MBP: variants seen among roughly 807,000 people sequenced by gnomAD.
MBP encodes Golli-MBP.
In MBP, 16 loss-of-function variants were observed where a neutral mutation model predicts 35.8. The ratio of observed to expected loss-of-function variants is 0.45; its 90% confidence interval spans 0.30 to 0.68. The LOEUF is 0.68. Among genes scored for constraint, MBP ranks in the 30% least tolerant of loss-of-function variants. The probability of loss-of-function intolerance (pLI) is 0.08; values close to 1 mark genes in which losing one functional copy is unlikely to be tolerated. For synonymous variants in MBP, 143 were observed against 159.6 expected (o/e 0.90, Z 0.78); for missense variants, 380 against 404.7 (o/e 0.94, Z 0.52).
At position 77,080,161 on chromosome 18, in the gene MBP, A is replaced by T. The variant is rs1027473116; in HGVS notation, c.52-13776T>A. Among the ~76,000 whole-genome samples the T allele has an allele frequency of 3.9e-5, 6 of 152,398 alleles. No homozygotes were observed. The East Asian group carries it at 7.7e-4, about 20-fold the overall frequency. On this transcript the variant is annotated intron_variant, in intron 2 of 8. Transcript: ENST00000355994. ...CAGCATTTTTTGTTTCTTTAAAAAA[A>T]AATCATAGTTTTATTCTTGCTCTAG...
intron 4 of MBP, among the ~76,000 whole-genome samples, chr18:76,998,158 C>G (rs943313676): frequency 5.3e-5 from 8 of 152,348 alleles, no homozygotes; most frequent in Non-Finnish European, 5.9e-5. Flanking sequence ...AACCTGGCCC[C>G]CATGAAACAC....
At chr18:76,985,061 G>A in intron 7 of MBP, 167 bp from the exon 8 acceptor site, 1 of 1,489,638 alleles carries the variant, frequency 6.7e-7, no homozygotes, top group Non-Finnish European at 9.1e-7. Flanking sequence ...GGTGGGGGCG[G>A]GAGAGGCTGC....
rs147406960 is a variant in MBP, at chr18:77,015,751, G to A, written c.576+1081C>T. On this transcript the variant is annotated intron_variant, in intron 4 of 8. Transcript: ENST00000355994. Reference sequence around the variant, plus strand: ...TGATCAATAAAGAATTGCAGTTGGAGACTAAAGCAAATTCTAGAAACTCCT... The same window carrying A: ...TGATCAATAAAGAATTGCAGTTGGAAACTAAAGCAAATTCTAGAAACTCCT... 286 of 985,386 alleles carry A rather than the reference G, an allele frequency of 2.9e-4. No individual in the cohort carries two copies. The African/African-American group carries it at 4.7e-3, about 16-fold the overall frequency. 61.0% of individuals were successfully genotyped at this position (985,386 alleles called of 1,614,324 possible). A position where few individuals can be genotyped will look rare whatever the true frequency, so the allele number is the denominator to read the frequency against.
At chr18:77,122,710 T>A (rs1976927746) in intron 1 of MBP, among the ~76,000 whole-genome samples, 1 of 152,152 alleles carries the variant, frequency 6.6e-6, no homozygotes, top group African/African-American at 2.4e-5. Flanking sequence ...GCCTGGCTAA[T>A]TTTTGTATTT....
At chr18:77,130,046 CAA>C (rs35240388) in intron 1 of MBP, among the ~76,000 whole-genome samples, 13 of 129,308 alleles carry the variant, frequency 1.0e-4, no homozygotes, top group Admixed American at 3.0e-4. Flanking sequence ...AAGACTCTGT[CAA>C]AAAAAAAAAA....
chr18:77,063,516 C>T (rs779856616), intron 3 of MBP, among the ~76,000 whole-genome samples: 3 of 152,176 alleles, frequency 2.0e-5, no homozygotes. Context: ...AGAACTGCTT[C>T]CTCGGCACAC....
intron 3 of MBP, among the ~76,000 whole-genome samples, chr18:77,028,607 G>A (rs1377001766): frequency 1.3e-5 from 1 of 74,908 alleles, no homozygotes; most frequent in Non-Finnish European, 3.5e-5. Context: ...GGGGCGGCTG[G>A]CCGGGCGGGG....
intron 3 of MBP, among the ~76,000 whole-genome samples, chr18:77,027,050 TTATG>T (rs1972251675): frequency 6.6e-6 from 1 of 152,146 alleles, no homozygotes; most frequent in African/African-American, 2.4e-5. Context: ...TTGGCTTATT[TTATG>T]TATTTGCATC....
At chr18:77,012,221 C>A (rs1971393414) in intron 4 of MBP, among the ~76,000 whole-genome samples, 1 of 152,192 alleles carries the variant, frequency 6.6e-6, no homozygotes, top group African/African-American at 2.4e-5. Flanking sequence ...GAGCCAGCAC[C>A]ATCCCCTCAT....
chr18:77,102,928 G>A lies in MBP; in HGVS notation c.51+2283C>T, dbSNP rs561671959. 8.1e-4 allele frequency among the ~76,000 whole-genome samples: 123 copies of A among 152,312 alleles called. No individual in the cohort carries two copies. The highest frequency in any genetic ancestry group is 1.5e-3 in the Non-Finnish European group (101 of 68,028). ...ACTTAATACATTTATGGTTGTTATTGCTAATTATAATGCTGACATTATCAG... is the reference window on the plus strand; with the variant it reads ...ACTTAATACATTTATGGTTGTTATTACTAATTATAATGCTGACATTATCAG... On this transcript the variant is annotated intron_variant, in intron 2 of 8. Coordinates refer to ENST00000355994, the MANE Select transcript of MBP (RefSeq NM_001025101.2). The surrounding 1 kb of genome is among the most constrained non-coding windows in gnomAD (Gnocchi z 4.4).
intron 3 of MBP, among the ~76,000 whole-genome samples, chr18:77,052,479 T>G (rs1469421525): frequency 6.6e-6 from 1 of 152,198 alleles, no homozygotes; most frequent in East Asian, 1.9e-4. Flanking sequence ...AGGTTTGTAT[T>G]CCCTCTTTGT....
rs1202555798 is a variant in MBP, at chr18:76,986,683, A to G, written c.751-1789T>C. On this transcript the variant is annotated intron_variant, in intron 7 of 8. Transcript: ENST00000355994. ...CCTAGAGGTTTCCAGGTTCATGCTC[A>G]CTCCCTGATGGCAGAGGGCAGGTTG... is the stretch of plus-strand genomic sequence containing the variant. 3.0e-6 allele frequency: 3 copies of G among 985,172 alleles called. No homozygotes were observed. The African/African-American group carries it at 5.2e-5, about 17-fold the overall frequency. 61.0% of individuals were successfully genotyped at this position (985,172 alleles called of 1,614,324 possible).
In MBP at chr18:76,988,846, G is replaced by A. The variant is rs1489186552; in HGVS notation, c.717+31C>T. On this transcript the variant is annotated intron_variant, in intron 6 of 8. Coordinates refer to ENST00000355994, the MANE Select transcript of MBP (RefSeq NM_001025101.2). The surrounding 1 kb of genome is among the most constrained non-coding windows in gnomAD (Gnocchi z 5.2). Reference sequence around the variant, plus strand: ...TTTAGAGAAGGTCTATCAGAAAAGTGATGATCAATCAAAACATTCCAAGGT... The same window carrying A: ...TTTAGAGAAGGTCTATCAGAAAAGTAATGATCAATCAAAACATTCCAAGGT... 2.5e-6 allele frequency: 4 copies of A among 1,602,804 alleles called. No individual in the cohort carries two copies. Among genetic ancestry groups the A allele is most frequent in the Non-Finnish European group, 3.4e-6 (4 of 1,172,470 alleles).
intron 7 of MBP, 146 bp from the exon 8 acceptor site, chr18:76,985,040 C>T: frequency 6.7e-7 from 1 of 1,495,944 alleles, no homozygotes. Flanking sequence ...GGGCCAGCAC[C>T]ACGCTGAGGG....
In MBP at chr18:76,988,637, G is replaced by A. The variant is rs1969705833; in HGVS notation, c.718-110C>T. ...CAGTGGAGCTGAGGTGGTAAAAACA[G>A]GTTCCACCCGGAGCTCCGAGGGGGG... On this transcript the variant is annotated intron_variant, in intron 6 of 8. Transcript: ENST00000355994. This position sits in a 1 kb window ranked among gnomAD's most constrained non-coding sequence, Gnocchi z 5.2. 6.6e-7 allele frequency: 1 copy of A among 1,515,586 alleles called. No individual in the cohort carries two copies. The highest frequency in any genetic ancestry group is 8.8e-7 in the Non-Finnish European group (1 of 1,136,658). The allele number at this position is 1,515,586 out of a possible 1,614,324, so 93.9% of individuals were successfully genotyped here.
intron 2 of MBP, among the ~76,000 whole-genome samples, chr18:77,079,417 G>A (rs1445678803): frequency 6.6e-6 from 1 of 152,176 alleles, no homozygotes; most frequent in Non-Finnish European, 1.5e-5. Flanking sequence ...GAACAAGTCA[G>A]TTTCTCACCA....
intron 3 of MBP, among the ~76,000 whole-genome samples, chr18:77,051,295 T>G (rs1284904829): frequency 1.3e-5 from 2 of 152,342 alleles, no homozygotes; most frequent in East Asian, 1.9e-4. Flanking sequence ...ACCTTTCACT[T>G]GCGGGCGAAT....
At chr18:77,047,327 G>A (rs1340338448) in intron 3 of MBP, among the ~76,000 whole-genome samples, 2 of 152,246 alleles carry the variant, frequency 1.3e-5, no homozygotes, top group Non-Finnish European at 2.9e-5. Context: ...CAGCACTAGC[G>A]TGCGCTACTC....
chr18:77,080,456 C>T (rs150392730), intron 2 of MBP, among the ~76,000 whole-genome samples: 4 of 152,284 alleles, frequency 2.6e-5, no homozygotes, highest in African/African-American at 4.8e-5. Context: ...GGCTGCCCTG[C>T]GTGGCGGGGT....
Sources: allele counts gnomAD v4.1 joint callset (sites outside exome capture counted in the v4.1 genomes callset), GRCh38; gene constraint gnomAD v4.1.1; non-coding constraint Gnocchi (gnomAD v3.1); transcripts MANE v1.5; gene names NCBI Gene and HGNC (gene_info 2026-07-23, HGNC 2026-07-21).